MAP3K2: variants seen among roughly 807,000 people sequenced by gnomAD.
MAP3K2 encodes the protein MAP/ERK kinase kinase 2.
In MAP3K2, 24 loss-of-function variants were observed where a neutral mutation model predicts 80.3. That is an observed-to-expected ratio of 0.30 (90% CI 0.22 to 0.42). The LOEUF (loss-of-function observed/expected upper bound fraction) is 0.42. Among genes scored for constraint, MAP3K2 ranks in the 10% least tolerant of loss-of-function variants. The pLI, the probability that MAP3K2 is intolerant of heterozygous loss-of-function variation, is 1.00. For synonymous variants in MAP3K2, 244 were observed against 253.7 expected (o/e 0.96, Z 0.36); for missense variants, 608 against 750.1 (o/e 0.81, Z 2.21).
At chr2:127,342,433 T>C (rs768238709) in intron 2 of MAP3K2, among the ~76,000 whole-genome samples, 9 of 138,464 alleles carry the variant, frequency 6.5e-5, no homozygotes, top group Non-Finnish European at 1.6e-5. Flanking sequence ...ATTTGTTTTG[T>C]TAAGCAAGAA....
chr2:127,304,682 A>G lies in MAP3K2; in HGVS notation c.*2897T>C, dbSNP rs1000304349. 2 of 152,494 alleles carry G rather than the reference A, an allele frequency of 1.3e-5. No homozygotes were observed. The highest frequency in any genetic ancestry group is 2.9e-5 in the Non-Finnish European group (2 of 68,008). The allele number at this position is 152,494 out of a possible 1,614,324, so 9.4% of individuals were successfully genotyped here. A position where few individuals can be genotyped will look rare whatever the true frequency, so the allele number is the denominator to read the frequency against. Reference sequence around the variant, plus strand: ...CAAATTGCATTTGTTGATCCATATCATTATTAGAAAGAAGAAAAAAACGGA... The same window carrying G: ...CAAATTGCATTTGTTGATCCATATCGTTATTAGAAAGAAGAAAAAAACGGA... On this transcript the variant is annotated 3_prime_UTR_variant, in exon 17 of 17. Coordinates refer to ENST00000682094, the MANE Select transcript of MAP3K2 (RefSeq NM_001371910.2).
chr2:127,339,612 CTATT>C lies in MAP3K2; in HGVS notation c.5-566_5-563del, dbSNP rs1362890970. ...AAGGTTTGACAAGACTAAAAACAGA[CTATT>C]TAAAGATCTTGGCCAGCAACAATGT... is the stretch of plus-strand genomic sequence containing the variant. On this transcript the variant is annotated intron_variant, in intron 2 of 16. Transcript: ENST00000682094. The surrounding 1 kb of genome is among the most constrained non-coding windows in gnomAD (Gnocchi z 4.2). Among the ~76,000 whole-genome samples the C allele has an allele frequency of 6.6e-6, 1 of 152,162 alleles. No individual in the cohort carries two copies. Among genetic ancestry groups the C allele is most frequent in the African/African-American group, 2.4e-5 (1 of 41,438 alleles).
At chr2:127,345,222 A>G (rs1382828760) in intron 1 of MAP3K2, among the ~76,000 whole-genome samples, 2 of 152,234 alleles carry the variant, frequency 1.3e-5, no homozygotes, top group Non-Finnish European at 1.5e-5. Context: ...AACAGTAGTC[A>G]AAACAGACCT....
chr2:127,319,083 A>G (rs1685962460), intron 12 of MAP3K2, among the ~76,000 whole-genome samples: 1 of 152,108 alleles, frequency 6.6e-6, no homozygotes, highest in African/African-American at 2.4e-5. Flanking sequence ...GGCCTGGAAA[A>G]GGGGAATGGC....
At chr2:127,323,220 T>C (rs1208868314) in intron 11 of MAP3K2, among the ~76,000 whole-genome samples, 1 of 151,468 alleles carries the variant, frequency 6.6e-6, no homozygotes, top group Non-Finnish European at 1.5e-5. Context: ...CTGGCCAACA[T>C]GGCAAAACCC....
At chr2:127,337,538 C>G (rs1195255801) in intron 4 of MAP3K2, among the ~76,000 whole-genome samples, 200 bp downstream of exon 4, 1 of 152,162 alleles carries the variant, frequency 6.6e-6, no homozygotes, top group East Asian at 1.9e-4. Flanking sequence ...AGACATTAAT[C>G]ATTTCTAATA....
intron 9 of MAP3K2, 110 bp downstream of exon 9, chr2:127,325,618 G>A (rs1309998727): frequency 2.6e-6 from 2 of 777,612 alleles, no homozygotes; most frequent in South Asian, 1.6e-5. Flanking sequence ...AGCCAAGGAG[G>A]TCAAGGCTGC....
At chr2:127,385,427 C>T (rs559860527) in intron 1 of MAP3K2, among the ~76,000 whole-genome samples, 58 of 152,274 alleles carry the variant, frequency 3.8e-4, no homozygotes, top group Non-Finnish European at 2.6e-4. Context: ...AGACATAATG[C>T]CATTGCACAC....
intron 1 of MAP3K2, among the ~76,000 whole-genome samples, chr2:127,374,511 T>C (rs1261171520): frequency 1.3e-5 from 2 of 152,174 alleles, no homozygotes; most frequent in African/African-American, 4.8e-5. Flanking sequence ...CTAAACAAAT[T>C]ACCCTACAAT....
chr2:127,363,195 C>T (rs981510665), intron 1 of MAP3K2, among the ~76,000 whole-genome samples: 4 of 152,044 alleles, frequency 2.6e-5, no homozygotes, highest in African/African-American at 9.7e-5. Flanking sequence ...TGGAACCAAT[C>T]CCCCGCAGAT....
At chr2:127,365,425 C>T (rs764030875) in intron 1 of MAP3K2, among the ~76,000 whole-genome samples, 40 of 152,178 alleles carry the variant, frequency 2.6e-4, no homozygotes, top group Non-Finnish European at 4.7e-4. Context: ...AACCTGGTTA[C>T]ATCCAAACTA....
Position 127,329,954 on chromosome 2 carries a change from C to T in MAP3K2, c.433G>A (p.Gly145Arg). 1 of 1,609,346 alleles carries T rather than the reference C, an allele frequency of 6.2e-7. No homozygotes were observed. The highest frequency in any genetic ancestry group is 8.5e-7 in the Non-Finnish European group (1 of 1,176,328). Residue 145 changes from glycine (G) to arginine (R), a missense_variant, in exon 7 of 17, where the codon GGA becomes AGA. This residue lies in a region of MAP3K2 where 467 missense variants were observed against 521.9 expected (regional missense o/e 0.89). Coordinates refer to ENST00000682094, the MANE Select transcript of MAP3K2 (RefSeq NM_001371910.2). ...GATAGCCGTTTTTTCCTCTCTGCTC[C>T]AAATACTGTATTATCCAAATCTTCT... ...SLEDLDNTVF[G>R]AERKKRLSII...
At chr2:127,342,145 T>A (rs1686505074) in intron 2 of MAP3K2, among the ~76,000 whole-genome samples, 1 of 152,072 alleles carries the variant, frequency 6.6e-6, no homozygotes, top group African/African-American at 2.4e-5. Context: ...GCACCCAAAA[T>A]AAAAAGTTGA....
chr2:127,323,123 C>T lies in MAP3K2; in HGVS notation c.838+779G>A, dbSNP rs555268723. Among the ~76,000 whole-genome samples, 5 of 144,834 alleles carry T rather than the reference C, an allele frequency of 3.5e-5. No individual in the cohort carries two copies. The East Asian group carries it at 8.5e-4, about 25-fold the overall frequency. ...TCTACTAAAAATACAAAAATTAGGC[C>T]GGGCACGGTGGCTCACGCCTGTAAT... On this transcript the variant is annotated intron_variant, in intron 11 of 16. Transcript: ENST00000682094.
rs906369513 is a variant in MAP3K2 at position 127,339,403 on chromosome 2, GA to G, written c.5-354del. 1.0e-4 allele frequency among the ~76,000 whole-genome samples: 15 copies of G among 149,368 alleles called. No individual in the cohort carries two copies. Among genetic ancestry groups the G allele is most frequent in the Admixed American group, 1.3e-4 (2 of 15,006 alleles). On this transcript the variant is annotated intron_variant, in intron 2 of 16. Transcript: ENST00000682094. The surrounding 1 kb of genome is among the most constrained non-coding windows in gnomAD (Gnocchi z 4.2). The stretch of plus-strand genomic sequence containing the variant: ...TATCTAAAATGTTTTAAAAAGTAGG[GA>G]AAAAAAAATAAACAACTTTGTATAA...
chr2:127,306,886 A>G lies in MAP3K2; in HGVS notation c.*693T>C, dbSNP rs1685711772. 1 of 151,888 alleles carries G rather than the reference A, an allele frequency of 6.6e-6. No individual in the cohort carries two copies. The highest frequency in any genetic ancestry group is 6.6e-5 in the Admixed American group (1 of 15,218). The allele number at this position is 151,888 out of a possible 1,614,324, so 9.4% of individuals were successfully genotyped here. A position where few individuals can be genotyped will look rare whatever the true frequency, so the allele number is the denominator to read the frequency against. ...TGTGTGTGTGTGTGTTTTTAAGCAG[A>G]AAGCTATCCCTCAAGGTTTACAGAT... On this transcript the variant is annotated 3_prime_UTR_variant, in exon 17 of 17. Transcript: ENST00000682094. The surrounding 1 kb of genome is among the most constrained non-coding windows in gnomAD (Gnocchi z 4.7).
At chr2:127,316,127 C>T (rs1685897799) in intron 14 of MAP3K2, among the ~76,000 whole-genome samples, 1 of 151,378 alleles carries the variant, frequency 6.6e-6, no homozygotes, top group African/African-American at 2.4e-5. Flanking sequence ...AATCCCACGA[C>T]ATTGGGAGGT....
At chr2:127,367,166 A>T (rs1455552006) in intron 1 of MAP3K2, among the ~76,000 whole-genome samples, 1 of 152,220 alleles carries the variant, frequency 6.6e-6, no homozygotes, top group East Asian at 1.9e-4. Flanking sequence ...AAAAGAATGC[A>T]GCCATGTACT....
intron 1 of MAP3K2, among the ~76,000 whole-genome samples, chr2:127,363,027 T>C (rs2104875606): frequency 6.6e-6 from 1 of 152,278 alleles, no homozygotes; most frequent in South Asian, 2.1e-4. Flanking sequence ...GTAACAATAA[T>C]TTACACAGCA....
Sources: gnomAD v4.1 joint callset for allele counts (sites outside exome capture counted in the v4.1 genomes callset) on GRCh38, gnomAD v4.1.1 for gene constraint, gnomAD v4.1.1 regional missense constraint, Gnocchi (gnomAD v3.1) non-coding constraint, MANE v1.5 for transcripts, NCBI Gene and HGNC (gene_info 2026-07-23, HGNC 2026-07-21) for gene names.